The following ACOT9 variants were observed in gnomAD, a reference collection of about 807,000 sequenced individuals.
ACOT9 encodes acyl-coenzyme A thioesterase 9, mitochondrial.
In ACOT9, 34 loss-of-function variants were observed where a neutral mutation model predicts 39.7. The observed-to-expected ratio is 0.86, with a 90% confidence interval of 0.65 to 1.14. The LOEUF is 1.14. Among genes scored for constraint, ACOT9 ranks in the 50% most tolerant of loss-of-function variants. ACOT9 has a pLI of 0.00. For missense variants in ACOT9, 313 were observed against 344.1 expected (o/e 0.91, Z 0.71); for synonymous variants, 110 against 120.5 (o/e 0.91, Z 0.57).
intron 8 of ACOT9, among the ~76,000 whole-genome samples, chrX:23,713,747 G>A (rs759942581): frequency 2.1e-4 from 23 of 110,136 alleles, no homozygotes; most frequent in South Asian, 1.2e-3. Flanking sequence ...AAGTCCAATC[G>A]GGGGCTGGGC....
chrX:23,714,013 G>A (rs1290902740), intron 8 of ACOT9, among the ~76,000 whole-genome samples: 1 of 111,111 alleles, frequency 9.0e-6, no homozygotes, highest in African/African-American at 3.3e-5. Context: ...ACTGTAGCCT[G>A]GATGACAGAA....
Position 23,704,778 on chromosome X carries a change from TCTC to T in ACOT9, c.1171_1173del (p.Glu391del), listed in dbSNP as rs1334442261. The stretch of plus-strand genomic sequence containing the variant: ...AAGACATTGGTGGTTGTATGCTGCT[TCTC>T]CTGCAGGGAGGCCACTTCACTGTGT... On this transcript the variant is annotated inframe_deletion, in exon 15 of 16. Coordinates refer to ENST00000379303, the MANE Select transcript of ACOT9 (RefSeq NM_001037171.2). The T allele has an allele frequency of 2.5e-5, 30 of 1,209,078 alleles. No homozygotes were observed. Among genetic ancestry groups the T allele is most frequent in the Non-Finnish European group, 3.2e-5 (29 of 894,298 alleles).
chrX:23,714,086 C>G (rs1928997041), intron 8 of ACOT9, among the ~76,000 whole-genome samples: 1 of 110,997 alleles, frequency 9.0e-6, no homozygotes, highest in Non-Finnish European at 1.9e-5. Context: ...AGATGGGCTG[C>G]TGGCATGGAG....
intron 8 of ACOT9, among the ~76,000 whole-genome samples, chrX:23,717,146 G>A (rs1455282357): frequency 9.1e-6 from 1 of 109,970 alleles, no homozygotes; most frequent in Admixed American, 9.8e-5. Context: ...TGGCCACCAC[G>A]CCCAGCCAGT....
At chrX:23,736,310 T>A (rs939425318) in intron 1 of ACOT9, among the ~76,000 whole-genome samples, 9 of 112,448 alleles carry the variant, frequency 8.0e-5, no homozygotes, top group Non-Finnish European at 3.7e-5. Context: ...TTCTATTTTA[T>A]TAGTTTCAGA....
intron 8 of ACOT9, among the ~76,000 whole-genome samples, chrX:23,716,402 T>A (rs1263582230): frequency 2.7e-5 from 3 of 112,102 alleles, no homozygotes; most frequent in Admixed American, 9.5e-5. Context: ...CCAAACCCAA[T>A]GAGCATTTCC....
intron 9 of ACOT9, among the ~76,000 whole-genome samples, chrX:23,708,551 A>G (rs1928787502): frequency 9.0e-6 from 1 of 110,688 alleles, no homozygotes; most frequent in African/African-American, 3.3e-5. Context: ...AAAAAAAAAA[A>G]AAAGAAAAAG....
chrX:23,704,177 T>G (rs1313568354), intron 15 of ACOT9, among the ~76,000 whole-genome samples, 195 bp from the exon 16 acceptor site: 8 of 94,894 alleles, frequency 8.4e-5, no homozygotes, highest in African/African-American at 2.4e-4. Context: ...TTTTTTTTTT[T>G]TTTTTTTTTT....
At chrX:23,740,441 A>T in intron 1 of ACOT9, among the ~76,000 whole-genome samples, 1 of 110,525 alleles carries the variant, frequency 9.0e-6, no homozygotes, top group African/African-American at 3.3e-5. Flanking sequence ...TTGGTATCCT[A>T]TTTACTGATA....
At chrX:23,720,123 G>T (rs5925880) in intron 8 of ACOT9, among the ~76,000 whole-genome samples, 3 of 112,480 alleles carry the variant, frequency 2.7e-5, no homozygotes, top group Non-Finnish European at 3.8e-5. Flanking sequence ...GTGAGCCACC[G>T]CGCCCAGCCA....
chrX:23,704,677 C>T lies in ACOT9; in HGVS notation c.1258+17G>A. On this transcript the variant is annotated intron_variant, in intron 15 of 15. Transcript: ENST00000379303. ...AGTTCTTCCCTTTGTTAGGGACAAGCAATAATCACTACTTACCTCCATATG... is the reference window on the plus strand; with the variant it reads ...AGTTCTTCCCTTTGTTAGGGACAAGTAATAATCACTACTTACCTCCATATG... 1 of 1,205,442 alleles carries T rather than the reference C, an allele frequency of 8.3e-7. No homozygotes were observed. The highest frequency in any genetic ancestry group is 1.1e-6 in the Non-Finnish European group (1 of 891,559).
intron 1 of ACOT9, among the ~76,000 whole-genome samples, chrX:23,741,115 TATAATA>T (rs749783031): frequency 9.2e-6 from 1 of 108,122 alleles, no homozygotes; most frequent in Non-Finnish European, 1.9e-5. Context: ...AAACTTAAAG[TATAATA>T]ATAATAATAA....
intron 4 of ACOT9, among the ~76,000 whole-genome samples, chrX:23,731,823 C>T (rs773288603): frequency 1.2e-3 from 126 of 109,083 alleles, no homozygotes; most frequent in Non-Finnish European, 1.4e-3. Context: ...TAAAGAAGAA[C>T]ATAACATGAA....
In ACOT9 at chrX:23,702,063, ACT is replaced by A. The variant is rs1232408591; in HGVS notation, c.*1829_*1830del. ...ACTCCAGCTGGAGCGACAGAGTGAA[ACT>A]CTGTCTCACACACACACACACACAC... On this transcript the variant is annotated 3_prime_UTR_variant, in exon 16 of 16. Transcript: ENST00000379303. Among the ~76,000 whole-genome samples, 3 of 106,182 alleles carry A rather than the reference ACT, an allele frequency of 2.8e-5. No individual in the cohort carries two copies. Among genetic ancestry groups the A allele is most frequent in the Admixed American group, 1.0e-4 (1 of 9,927 alleles). The allele number at this position is 106,182 out of a possible 115,157, so 92.2% of individuals were successfully genotyped here. A position where few individuals can be genotyped will look rare whatever the true frequency, so the allele number is the denominator to read the frequency against.
chrX:23,733,010 G>T (rs1338937127), intron 4 of ACOT9, among the ~76,000 whole-genome samples, 162 bp downstream of exon 4: 1 of 111,823 alleles, frequency 8.9e-6, no homozygotes. Context: ...CATCTGATGA[G>T]TATGTTGAAA....
intron 9 of ACOT9, among the ~76,000 whole-genome samples, chrX:23,712,063 T>C (rs747828068): frequency 4.2e-4 from 46 of 110,742 alleles, no homozygotes; most frequent in Non-Finnish European, 7.6e-4. Flanking sequence ...TAAGAAACAA[T>C]AGGGGAAGAC....
chrX:23,707,742 AAAAC>A, intron 10 of ACOT9, 131 bp downstream of exon 10: 1 of 463,682 alleles, frequency 2.2e-6, no homozygotes, highest in Non-Finnish European at 3.4e-6. Flanking sequence ...CATTTCAAAA[AAAAC>A]AAACAAAAAA....
chrX:23,705,773 G>A lies in ACOT9; in HGVS notation c.928C>T (p.Pro310Ser). 8.3e-7 allele frequency: 1 copy of A among 1,205,248 alleles called. No individual in the cohort carries two copies. The highest frequency in any genetic ancestry group is 1.1e-6 in the Non-Finnish European group (1 of 889,738). Residue 310 changes from proline to serine, a missense_variant, in exon 12 of 16, where the codon CCT becomes TCT. Physicochemically the swap from Pro to Ser is moderately conservative, Grantham distance 74. Coordinates refer to ENST00000379303, the MANE Select transcript of ACOT9 (RefSeq NM_001037171.2). The stretch of plus-strand genomic sequence containing the variant: ...TTCTCACTAAATTATAATACCTGAG[G>A]GTGGCAAATTTCCAAACTCTTCAGT... ...SKLKSLEICH[P>S]QERNIFNRIF... is the part of the protein sequence containing the mutation.
intron 1 of ACOT9, among the ~76,000 whole-genome samples, chrX:23,739,463 C>T (rs937448184): frequency 9.0e-6 from 1 of 111,201 alleles, no homozygotes; most frequent in African/African-American, 3.3e-5. Context: ...AAATCTCTAG[C>T]TATCATTATT....
Sources: gnomAD v4.1 joint callset for allele counts (sites outside exome capture counted in the v4.1 genomes callset) on GRCh38, gnomAD v4.1.1 for gene constraint, MANE v1.5 for transcripts, NCBI Gene and HGNC (gene_info 2026-07-23, HGNC 2026-07-21) for gene names.